DYNC2I1: variants seen among roughly 807,000 people sequenced by gnomAD.
The protein encoded by DYNC2I1 is cytoplasmic dynein 2 intermediate chain 1.
In DYNC2I1, 89 loss-of-function variants were observed where a neutral mutation model predicts 133.4. That is an observed-to-expected ratio of 0.67 (90% CI 0.56 to 0.80). The LOEUF (loss-of-function observed/expected upper bound fraction) is 0.80. DYNC2I1 is among the 30% of genes least tolerant of loss of function. The pLI, the probability that DYNC2I1 is intolerant of heterozygous loss-of-function variation, is 0.00. For missense variants in DYNC2I1, 1,291 were observed against 1,314.5 expected, an observed-to-expected ratio of 0.98 and a Z score of 0.28; for synonymous variants, 504 against 484.3, an observed-to-expected ratio of 1.04 and a Z score of -0.54.
In DYNC2I1 at chr7:158,887,050, G is replaced by A. The variant is rs1844678438; in HGVS notation, c.965G>A (p.Gly322Glu). ...QHAENLVRNH[G>E]KDKDSRRKHG... The stretch of plus-strand genomic sequence containing the variant: ...GCTGAGAATTTAGTAAGGAATCATG[G>A]AAAAGATAAAGATTCAAGACGGAAG... Residue 322 changes from glycine to glutamate, a missense_variant, in exon 7 of 25, where the codon GGA becomes GAA. Coordinates refer to ENST00000407559, the MANE Select transcript of DYNC2I1 (RefSeq NM_018051.5). 1.2e-6 allele frequency: 2 copies of A among 1,613,908 alleles called. No individual in the cohort carries two copies. The highest frequency in any genetic ancestry group is 1.7e-6 in the Non-Finnish European group (2 of 1,179,852).
rs1417332314 is a variant in DYNC2I1 at position 158,921,470 on chromosome 7, G to A, written c.1922-907G>A. Among the ~76,000 whole-genome samples the A allele has an allele frequency of 3.9e-5, 6 of 152,242 alleles. 1 individual carries two copies. The highest frequency in any genetic ancestry group is 7.2e-5 in the African/African-American group (3 of 41,528). ...AAAACCACAGGGCTTAGGAGAAAACGGGGTCAGGTCACAGCACTCGAGAAC... is the reference window on the plus strand; with the variant it reads ...AAAACCACAGGGCTTAGGAGAAAACAGGGTCAGGTCACAGCACTCGAGAAC... On this transcript the variant is annotated intron_variant, in intron 15 of 24. Transcript: ENST00000407559.
chr7:158,902,344 A>T, intron 9 of DYNC2I1, 32 bp from the exon 10 acceptor site: 1 of 1,585,726 alleles, frequency 6.3e-7, no homozygotes, highest in Non-Finnish European at 8.6e-7. Context: ...AGTTTGTCTT[A>T]AAGGGTTCCA....
At chr7:158,866,090 T>C (rs1842377376) in intron 1 of DYNC2I1, among the ~76,000 whole-genome samples, 2 of 126,022 alleles carry the variant, frequency 1.6e-5, no homozygotes, top group African/African-American at 7.0e-5. Context: ...ACTTTGTCAG[T>C]ATCAGTAATG....
chr7:158,894,148 C>CGCATATCCT, intron 8 of DYNC2I1, among the ~76,000 whole-genome samples: 1 of 151,798 alleles, frequency 6.6e-6, no homozygotes, highest in East Asian at 1.9e-4. Context: ...CATATCCTAC[C>CGCATATCCT]ACATATCGTA....
chr7:158,951,296 T>G (rs1167545338), intron 4 of DYNC2I1, among the ~76,000 whole-genome samples: 1 of 152,260 alleles, frequency 6.6e-6, no homozygotes, highest in Non-Finnish European at 1.5e-5. Flanking sequence ...GCTGTGCCTT[T>G]CCTTCTACTT....
At chr7:158,954,418 G>A (rs1347252907) in intron 4 of DYNC2I1, among the ~76,000 whole-genome samples, 2 of 152,188 alleles carry the variant, frequency 1.3e-5, no homozygotes, top group African/African-American at 4.8e-5. Context: ...GCCAAGGTGG[G>A]CAGATCACTT....
intron 20 of DYNC2I1, among the ~76,000 whole-genome samples, chr7:158,929,942 T>C (rs977135108): frequency 6.6e-6 from 1 of 152,120 alleles, no homozygotes; most frequent in African/African-American, 2.4e-5. Flanking sequence ...GAGAAGCTGC[T>C]GGAACAGAGA....
rs1554455812 is a variant in DYNC2I1, at chr7:158,894,132, A to ACTGCATATCCTACCGCATATCC, written c.1059+2799_1059+2800insCTGCATATCCTACCGCATATCC. ...CCTACTGCATATCCTACCGCATATC[A>ACTGCATATCCTACCGCATATCC]TACCGCATATCCTACCACATATCGT... On this transcript the variant is annotated intron_variant, in intron 8 of 24. Transcript: ENST00000407559. Among the ~76,000 whole-genome samples the ACTGCATATCCTACCGCATATCC allele has an allele frequency of 6.5e-3, 986 of 151,066 alleles. 8 individuals are homozygous for ACTGCATATCCTACCGCATATCC. Among genetic ancestry groups the ACTGCATATCCTACCGCATATCC allele is most frequent in the African/African-American group, 0.023 (926 of 41,062 alleles).
Position 158,876,792 on chromosome 7 carries a change from C to T in DYNC2I1, c.573+101C>T, listed in dbSNP as rs997939079. ...AGCATTTTTAGAAAATGTCCTAAGC[C>T]AGGATTTCAGTCCTGGAAAAGGCCT... On this transcript the variant is annotated intron_variant, in intron 4 of 24. Coordinates refer to ENST00000407559, the MANE Select transcript of DYNC2I1 (RefSeq NM_018051.5). The T allele has an allele frequency of 8.5e-6, 12 of 1,418,720 alleles. No homozygotes were observed. The South Asian group carries it at 2.0e-4, about 23-fold the overall frequency. 87.9% of individuals were successfully genotyped at this position (1,418,720 alleles called of 1,614,324 possible).
chr7:158,908,842 T>C (rs113572787), intron 11 of DYNC2I1, among the ~76,000 whole-genome samples: 132 of 152,190 alleles, frequency 8.7e-4, no homozygotes, highest in Admixed American at 2.5e-3. Flanking sequence ...AAGTAATGTG[T>C]TTGCTTGTTT....
At chr7:158,893,907 C>T (rs953513141) in intron 8 of DYNC2I1, among the ~76,000 whole-genome samples, 1 of 151,794 alleles carries the variant, frequency 6.6e-6, no homozygotes. Context: ...ACATATCATA[C>T]CGCATATTAT....
At chr7:158,915,147 T>C (rs561641431) in intron 14 of DYNC2I1, among the ~76,000 whole-genome samples, 1 of 151,914 alleles carries the variant, frequency 6.6e-6, no homozygotes, top group South Asian at 2.1e-4. Context: ...AGATTAAGGA[T>C]GATTGTGAAA....
intron 4 of DYNC2I1, among the ~76,000 whole-genome samples, chr7:158,955,119 C>T (rs902028706): frequency 2.6e-5 from 4 of 152,240 alleles, no homozygotes; most frequent in Non-Finnish European, 5.9e-5. Context: ...TGAAGAGGCA[C>T]GTTGAAACAT....
At chr7:158,929,770 TGTA>T (rs1334440490) in intron 20 of DYNC2I1, among the ~76,000 whole-genome samples, 1 of 152,298 alleles carries the variant, frequency 6.6e-6, no homozygotes, top group Admixed American at 6.5e-5. Flanking sequence ...TTTTTCCCCT[TGTA>T]GTAGTTTTAG....
Position 158,902,339 on chromosome 7 carries a change from G to C in DYNC2I1, c.1138-37G>C, listed in dbSNP as rs775993207. The C allele has an allele frequency of 5.1e-6, 8 of 1,575,242 alleles. No homozygotes were observed. In the South Asian group the frequency reaches 9.2e-5, roughly 18 times the overall value. ...ATGAGGGATAATTGAAAGTCAGTTT[G>C]TCTTAAAGGGTTCCAAAAGATTATT... On this transcript the variant is annotated intron_variant, in intron 9 of 24. Transcript: ENST00000407559.
Position 158,911,649 on chromosome 7 carries a change from C to T in DYNC2I1, c.1560C>T (p.Ile520=). The T allele has an allele frequency of 1.2e-6, 2 of 1,609,550 alleles. No homozygotes were observed. Among genetic ancestry groups the T allele is most frequent in the Non-Finnish European group, 1.7e-6 (2 of 1,178,770 alleles). ...CAGTAAATGAATATGACATGTATAT[C>T]AGAAACTTTGGGAAAAAAAATACCA... is the stretch of plus-strand genomic sequence containing the variant. ...LPPVNEYDMY[I]RNFGKKNTKQ... is the part of the protein sequence containing the mutation. The change falls in exon 12 of 25, where the codon ATC becomes ATT. Residue 520 remains isoleucine (I), a synonymous_variant. Transcript: ENST00000407559.
At chr7:158,925,571 G>T (rs1849530752) in intron 17 of DYNC2I1, among the ~76,000 whole-genome samples, 1 of 152,108 alleles carries the variant, frequency 6.6e-6, no homozygotes, top group African/African-American at 2.4e-5. Context: ...TCTACTTGTA[G>T]ACATTCTGTA....
At chr7:158,850,145 C>T in the DYNC2I1 span, among the ~76,000 whole-genome samples, 1 of 152,060 alleles carries the variant, frequency 6.6e-6, no homozygotes, top group African/African-American at 2.4e-5. Context: ...CTTTCTGGGG[C>T]CCCTGAAGGT....
At position 158,871,304 on chromosome 7, in the gene DYNC2I1, G is replaced by A; in HGVS notation, c.232G>A (p.Glu78Lys). ...GGTGGCCGAAGTCCACACCGCTAAG[G>A]AGAGTCCTCGTGGGGAGAGGGACAG... ...DRVAEVHTAKESPRGERDRDR... is the reference protein window; with the variant it reads ...DRVAEVHTAKKSPRGERDRDR... The change falls in exon 3 of 25, where the codon GAG becomes AAG. Residue 78 changes from glutamate to lysine, a missense_variant. Coordinates refer to ENST00000407559, the MANE Select transcript of DYNC2I1 (RefSeq NM_018051.5). 1 of 1,573,224 alleles carries A rather than the reference G, an allele frequency of 6.4e-7. No homozygotes were observed. The highest frequency in any genetic ancestry group is 8.6e-7 in the Non-Finnish European group (1 of 1,158,498).
Sources: allele counts gnomAD v4.1 joint callset (sites outside exome capture counted in the v4.1 genomes callset), GRCh38; gene constraint gnomAD v4.1.1; transcripts MANE v1.5; gene names NCBI Gene and HGNC (gene_info 2026-07-23, HGNC 2026-07-21).